The following PHF24 variants were observed in gnomAD, a reference collection of about 807,000 sequenced individuals.
PHF24 encodes the protein Galpha inhibitory interacting protein.
PHF24 carries 25 observed loss-of-function variants against 42.6 expected under a neutral mutation model. That is an observed-to-expected ratio of 0.59 (90% CI 0.43 to 0.82). The LOEUF (loss-of-function observed/expected upper bound fraction) is 0.82. PHF24 is among the 40% of genes least tolerant of loss of function. The pLI is 0.00. For missense variants in PHF24, 470 were observed against 538.1 expected, an observed-to-expected ratio of 0.87 and a Z score of 1.25; for synonymous variants, 185 against 204.8, an observed-to-expected ratio of 0.90 and a Z score of 0.83.
the PHF24 span, among the ~76,000 whole-genome samples, chr9:34,861,480 T>G: frequency 6.6e-6 from 1 of 152,136 alleles, no homozygotes; most frequent in Non-Finnish European, 1.5e-5. Flanking sequence ...AGGTATAAGA[T>G]TATCATAGAA....
chr9:34,780,212 G>A, the PHF24 span, among the ~76,000 whole-genome samples: 1 of 150,936 alleles, frequency 6.6e-6, no homozygotes, highest in African/African-American at 2.4e-5. Flanking sequence ...AAAACTCTTA[G>A]AAGAAAATAT....
At chr9:34,795,247 A>AAG in the PHF24 span, among the ~76,000 whole-genome samples, 3 of 151,458 alleles carry the variant, frequency 2.0e-5, no homozygotes, top group Non-Finnish European at 4.4e-5. Flanking sequence ...CTGTCTTTAA[A>AAG]AGAGAGAGAG....
chr9:34,723,935 C>T, the PHF24 span: 1 of 1,551,420 alleles, frequency 6.4e-7, no homozygotes, highest in East Asian at 2.4e-5. Context: ...AAGATGAAAG[C>T]TACGGCTCCA....
the PHF24 span, among the ~76,000 whole-genome samples, chr9:34,785,735 C>G: frequency 6.6e-6 from 1 of 152,160 alleles, no homozygotes; most frequent in Admixed American, 6.5e-5. Flanking sequence ...TTGCATCCTT[C>G]CACCTTTATA....
At chr9:34,848,537 C>T in the PHF24 span, among the ~76,000 whole-genome samples, 4 of 151,932 alleles carry the variant, frequency 2.6e-5, no homozygotes, top group South Asian at 4.2e-4. Context: ...TTTGTTGATC[C>T]GTTCAAAAAA....
the PHF24 span, among the ~76,000 whole-genome samples, chr9:34,902,473 A>AC: frequency 6.6e-6 from 1 of 151,960 alleles, no homozygotes; most frequent in Admixed American, 6.6e-5. Context: ...ACATAATGGG[A>AC]CCCCATCTCT....
chr9:34,973,277 G>T (rs1227342698), intron 3 of PHF24, among the ~76,000 whole-genome samples: 45 of 152,132 alleles, frequency 3.0e-4, no homozygotes, highest in Admixed American at 2.9e-3. Flanking sequence ...TCCAGTAGGG[G>T]TAGATTCTAT....
At chr9:34,666,516 G>T in the PHF24 span, among the ~76,000 whole-genome samples, 6,696 of 149,664 alleles carry the variant, frequency 0.045, 229 homozygotes, top group South Asian at 0.07. Context: ...GAGGGTCATT[G>T]CCCTTCCTCT....
At chr9:34,793,394 T>C in the PHF24 span, among the ~76,000 whole-genome samples, 1 of 152,184 alleles carries the variant, frequency 6.6e-6, no homozygotes, top group Non-Finnish European at 1.5e-5. Context: ...AATGGACTAT[T>C]CAAAAGCCTT....
chr9:34,737,508 G>C, the PHF24 span, among the ~76,000 whole-genome samples: 1 of 152,092 alleles, frequency 6.6e-6, no homozygotes, highest in African/African-American at 2.4e-5. Flanking sequence ...ATGCACATTT[G>C]TATACAAGGT....
At chr9:34,900,949 T>C in the PHF24 span, among the ~76,000 whole-genome samples, 30,499 of 152,196 alleles carry the variant, frequency 0.2, 3,259 homozygotes, top group South Asian at 0.29. Flanking sequence ...CACTCTGTGG[T>C]ATTCTGTAAT....
At chr9:34,777,118 G>A in the PHF24 span, among the ~76,000 whole-genome samples, 1 of 152,204 alleles carries the variant, frequency 6.6e-6, no homozygotes, top group African/African-American at 2.4e-5. Context: ...GTAGCTGAGT[G>A]TGTCTGTTCT....
chr9:34,788,969 A>G, the PHF24 span, among the ~76,000 whole-genome samples: 1 of 152,224 alleles, frequency 6.6e-6, no homozygotes, highest in Non-Finnish European at 1.5e-5. Context: ...ACACTGGTGC[A>G]TTAAGTATAG....
the PHF24 span, among the ~76,000 whole-genome samples, chr9:34,780,282 T>C: frequency 1.5e-5 from 2 of 130,890 alleles, no homozygotes; most frequent in Non-Finnish European, 3.1e-5. Flanking sequence ...CTCTTCTTTC[T>C]TTTTTTTCTT....
chr9:34,709,069 T>G, the PHF24 span: 1 of 420,002 alleles, frequency 2.4e-6, no homozygotes, highest in Non-Finnish European at 4.2e-6. Context: ...AAGGAAGAGG[T>G]GGGGTGTACT....
the PHF24 span, among the ~76,000 whole-genome samples, chr9:34,816,497 G>A: frequency 6.6e-6 from 1 of 152,114 alleles, no homozygotes; most frequent in African/African-American, 2.4e-5. Context: ...TTATAGTGTA[G>A]GAAGCTAGGA....
the PHF24 span, among the ~76,000 whole-genome samples, chr9:34,788,717 C>T: frequency 2.0e-5 from 3 of 152,102 alleles, no homozygotes; most frequent in Admixed American, 2.0e-4. Flanking sequence ...CAGACATGAG[C>T]AGGAGGGTGA....
the PHF24 span, among the ~76,000 whole-genome samples, chr9:34,921,914 A>G: frequency 6.6e-6 from 1 of 152,226 alleles, no homozygotes; most frequent in African/African-American, 2.4e-5. Flanking sequence ...ACAATGTACC[A>G]AAAGTACTAT....
chr9:34,819,461 C>T, the PHF24 span, among the ~76,000 whole-genome samples: 1 of 152,016 alleles, frequency 6.6e-6, no homozygotes. Flanking sequence ...ATAAATTTAA[C>T]TGCTTTAGCT....
Sources: gnomAD v4.1 joint callset for allele counts (sites outside exome capture counted in the v4.1 genomes callset) on GRCh38, gnomAD v4.1.1 for gene constraint, MANE v1.5 for transcripts, NCBI Gene and HGNC (gene_info 2026-07-23, HGNC 2026-07-21) for gene names.